Variants in PCDHGB7 observed in about 807,000 individuals in gnomAD.
PCDHGB7 encodes protocadherin gamma-B7.
Under a neutral mutation model 61.4 loss-of-function variants are expected in PCDHGB7, and 37 were observed. The ratio of observed to expected loss-of-function variants is 0.60; its 90% CI spans 0.46 to 0.79. The LOEUF (loss-of-function observed/expected upper bound fraction) is 0.79. Ranked by LOEUF, PCDHGB7 falls within the 30% of genes least tolerant of loss-of-function variation. The pLI is 0.00. For synonymous variants in PCDHGB7, 464 were observed against 503.5 expected (o/e 0.92, Z 1.05); for missense variants, 1,166 against 1,202.5 (o/e 0.97, Z 0.45).
chr5:141,450,823 A>ATT (rs1453980247), intron 1 of PCDHGB7, among the ~76,000 whole-genome samples: 2 of 133,076 alleles, frequency 1.5e-5, no homozygotes, highest in East Asian at 2.2e-4. Flanking sequence ...TAATATTATT[A>ATT]TTATTATTTT....
chr5:141,483,716 G>C (rs772661472), intron 1 of PCDHGB7, among the ~76,000 whole-genome samples: 1 of 151,974 alleles, frequency 6.6e-6, no homozygotes, highest in Non-Finnish European at 1.5e-5. Context: ...CCAGAATATT[G>C]GTTCCCACCA....
At position 141,476,112 on chromosome 5, in the gene PCDHGB7, G is replaced by A. The variant is rs1201449171; in HGVS notation, c.2416-18695G>A. 2.5e-6 allele frequency: 4 copies of A among 1,590,646 alleles called. No homozygotes were observed. Among genetic ancestry groups the A allele is most frequent in the Non-Finnish European group, 2.6e-6 (3 of 1,170,830 alleles). ...CCCCGCTGAGAGGAACTGCTTTTGA[G>A]TGAGATGGTCCCAGAGGCCTGGAGG... On this transcript the variant is annotated intron_variant, in intron 1 of 3. Transcript: ENST00000398594. The surrounding 1 kb of genome is among the most constrained non-coding windows in gnomAD (Gnocchi z 7.6).
chr5:141,478,143 A>T (rs759384540), intron 1 of PCDHGB7: 1 of 1,614,014 alleles, frequency 6.2e-7, no homozygotes, highest in Non-Finnish European at 8.5e-7. Flanking sequence ...GCCCGAGCCG[A>T]GTTCCCCTCT....
At chr5:141,466,993 T>G (rs2099133598) in intron 1 of PCDHGB7, among the ~76,000 whole-genome samples, 1 of 152,148 alleles carries the variant, frequency 6.6e-6, no homozygotes, top group African/African-American at 2.4e-5. Context: ...CCTTTTGGCA[T>G]TTTTTTGCAA....
chr5:141,465,689 C>A (rs2099107540), intron 1 of PCDHGB7, among the ~76,000 whole-genome samples: 1 of 152,162 alleles, frequency 6.6e-6, no homozygotes, highest in African/African-American at 2.4e-5. Context: ...GACCAGTCTG[C>A]TTTTGCATTG....
At chr5:141,454,871 G>A (rs1337911223) in intron 1 of PCDHGB7, among the ~76,000 whole-genome samples, 2 of 129,030 alleles carry the variant, frequency 1.6e-5, no homozygotes, top group Non-Finnish European at 3.1e-5. Context: ...GCAGTGGCAC[G>A]ATCTTGGCTC....
intron 1 of PCDHGB7, chr5:141,433,132 T>A (rs1168186406): frequency 6.2e-7 from 1 of 1,614,122 alleles, no homozygotes; most frequent in Non-Finnish European, 8.5e-7. Context: ...GCGAGCCCCT[T>A]TTGCTGTCAG....
intron 1 of PCDHGB7, among the ~76,000 whole-genome samples, chr5:141,471,071 C>T (rs1208702673): frequency 7.7e-6 from 1 of 129,696 alleles, no homozygotes; most frequent in Non-Finnish European, 1.6e-5. Context: ...TTTTTTGAGA[C>T]AGGGTCTCCC....
chr5:141,456,550 C>T (rs1017343381), intron 1 of PCDHGB7, among the ~76,000 whole-genome samples: 2 of 152,166 alleles, frequency 1.3e-5, no homozygotes, highest in African/African-American at 4.8e-5. Context: ...TGTAGCCACT[C>T]GGGGCTGAAG....
chr5:141,426,418 T>C (rs1445827088), intron 1 of PCDHGB7: 2 of 288,504 alleles, frequency 6.9e-6, no homozygotes, highest in Non-Finnish European at 1.4e-5. Flanking sequence ...GGTCCAGGGC[T>C]CCGTGGTGGG....
intron 3 of PCDHGB7, among the ~76,000 whole-genome samples, chr5:141,510,533 C>A (rs1366903068): frequency 6.6e-6 from 1 of 152,118 alleles, no homozygotes; most frequent in Non-Finnish European, 1.5e-5. Flanking sequence ...GAGAGAAATA[C>A]CAGCGAATGT....
At chr5:141,462,035 C>T (rs35674654) in intron 1 of PCDHGB7, among the ~76,000 whole-genome samples, 14,886 of 152,176 alleles carry the variant, frequency 0.098, 964 homozygotes, top group Non-Finnish European at 0.14. Context: ...GTTGGTCAGG[C>T]GGGTCTTGAA....
chr5:141,495,430 C>T (rs1189953474), intron 2 of PCDHGB7, among the ~76,000 whole-genome samples: 3 of 152,220 alleles, frequency 2.0e-5, no homozygotes, highest in Admixed American at 2.0e-4. Context: ...TCCCACTGTC[C>T]TCTGCCCCTA....
intron 1 of PCDHGB7, among the ~76,000 whole-genome samples, chr5:141,464,803 G>A (rs933573443): frequency 1.5e-4 from 23 of 152,092 alleles, no homozygotes; most frequent in African/African-American, 5.1e-4. Context: ...CAGTGATGCA[G>A]TCATAGCTCA....
Position 141,511,229 on chromosome 5 carries a change from T to G in PCDHGB7, c.*56T>G. 6.3e-7 allele frequency: 1 copy of G among 1,598,500 alleles called. No homozygotes were observed. Among genetic ancestry groups the G allele is most frequent in the Non-Finnish European group, 8.5e-7 (1 of 1,172,476 alleles). On this transcript the variant is annotated 3_prime_UTR_variant, in exon 4 of 4. Transcript: ENST00000398594. ...GCCTCTCCCCAACCAGCCCAGCTTC[T>G]CCTTACCTGCACCCAGGCCTCAGAG...
At chr5:141,507,831 T>C (rs2099864030) in intron 3 of PCDHGB7, among the ~76,000 whole-genome samples, 1 of 152,134 alleles carries the variant, frequency 6.6e-6, no homozygotes, top group African/African-American at 2.4e-5. Context: ...GTGGAGGTGG[T>C]GGGTCAGGCC....
chr5:141,432,400 G>A lies in PCDHGB7; in HGVS notation c.2415+12126G>A, dbSNP rs139153105. ...ACCCGCCCCTCAGCAGCAACGTGTC[G>A]TTGAGCCTGTTCGTGCTGGACCAGA... On this transcript the variant is annotated intron_variant, in intron 1 of 3. Transcript: ENST00000398594. The surrounding 1 kb of genome is among the most constrained non-coding windows in gnomAD (Gnocchi z 6.0). 5.6e-6 allele frequency: 9 copies of A among 1,614,122 alleles called. No homozygotes were observed. In the East Asian group the frequency reaches 6.7e-5, roughly 12 times the overall value.
rs2096318283 is a variant in PCDHGB7, at chr5:141,419,056, T to C, written c.1197T>C (p.Asn399=). 6.2e-7 allele frequency: 1 copy of C among 1,613,836 alleles called. No individual in the cohort carries two copies. The highest frequency in any genetic ancestry group is 8.5e-7 in the Non-Finnish European group (1 of 1,179,878). ...GVPFKIHSSS[N]NYYKLVTDEA... ...CATTTAAGATTCATTCTTCTTCTAA[T>C]AATTACTACAAGCTAGTAACAGATG... Residue 399 remains asparagine, a synonymous_variant, in exon 1 of 4, where the codon AAT becomes AAC. Transcript: ENST00000398594.
At position 141,431,549 on chromosome 5, in the gene PCDHGB7, G is replaced by A. The variant is rs750427346; in HGVS notation, c.2415+11275G>A. ...GGCCTTGGGCACGCAGCTGCTTGTA[G>A]TCAACGCTACCGACCCTGACGAAGG... On this transcript the variant is annotated intron_variant, in intron 1 of 3. Coordinates refer to ENST00000398594, the MANE Select transcript of PCDHGB7 (RefSeq NM_018927.4). This position sits in a 1 kb window ranked among gnomAD's most constrained non-coding sequence, Gnocchi z 4.8. The A allele has an allele frequency of 6.2e-7, 1 of 1,614,156 alleles. No homozygotes were observed. Among genetic ancestry groups the A allele is most frequent in the South Asian group, 1.1e-5 (1 of 91,090 alleles).
Sources: allele counts gnomAD v4.1 joint callset (sites outside exome capture counted in the v4.1 genomes callset), GRCh38; gene constraint gnomAD v4.1.1; non-coding constraint Gnocchi (gnomAD v3.1); transcripts MANE v1.5; gene names NCBI Gene and HGNC (gene_info 2026-07-23, HGNC 2026-07-21).